WDR72: variants seen among roughly 807,000 people sequenced by gnomAD.
WDR72 encodes the protein WD repeat-containing protein 72.
Under a neutral mutation model 124.2 loss-of-function variants are expected in WDR72, and 120 were observed. That is an observed-to-expected ratio of 0.97 (90% CI 0.83 to 1.12). The LOEUF is 1.12. Ranked by LOEUF, WDR72 falls within the 50% of genes most tolerant of loss-of-function variation. The pLI is 0.00. For synonymous variants in WDR72, 452 were observed against 441.7 expected (o/e 1.02, Z -0.29); for missense variants, 1,387 against 1,278.8 (o/e 1.08, Z -1.29).
intron 11 of WDR72, among the ~76,000 whole-genome samples, chr15:53,702,928 C>G (rs186813683): frequency 8.6e-4 from 127 of 147,178 alleles, no homozygotes; most frequent in Non-Finnish European, 1.6e-3. Context: ...GAGACAGGGT[C>G]TCACTCTGTT....
intron 18 of WDR72, among the ~76,000 whole-genome samples, chr15:53,577,787 T>A (rs981983896): frequency 3.9e-5 from 6 of 152,172 alleles, no homozygotes; most frequent in African/African-American, 1.2e-4. Context: ...TATTTGTTTA[T>A]TAAAGTTAAC....
intron 2 of WDR72, among the ~76,000 whole-genome samples, chr15:53,725,686 T>C (rs1350108848): frequency 6.6e-6 from 1 of 152,156 alleles, no homozygotes; most frequent in Admixed American, 6.5e-5. Context: ...TATTACCATA[T>C]GAAAGAAGCC....
chr15:53,517,871 G>T, intron 19 of WDR72, 117 bp from the exon 20 acceptor site: 1 of 948,220 alleles, frequency 1.1e-6, no homozygotes. Flanking sequence ...AAAGGAAGAA[G>T]GGAGAGAATG....
At chr15:53,627,005 A>G (rs1281689569) in intron 14 of WDR72, among the ~76,000 whole-genome samples, 3 of 152,216 alleles carry the variant, frequency 2.0e-5, no homozygotes, top group Admixed American at 1.3e-4. Flanking sequence ...AAAACATTTT[A>G]GATATTTCCT....
chr15:53,590,797 G>GA (rs1454959808), intron 18 of WDR72, among the ~76,000 whole-genome samples: 1 of 152,050 alleles, frequency 6.6e-6, no homozygotes, highest in Non-Finnish European at 1.5e-5. Flanking sequence ...TAGCATTGCT[G>GA]TGTGGATTAA....
intron 2 of WDR72, among the ~76,000 whole-genome samples, chr15:53,727,226 TAAAAAAAA>T (rs57976197): frequency 2.4e-5 from 3 of 125,760 alleles, no homozygotes; most frequent in African/African-American, 6.3e-5. Context: ...AGACTCTGTC[TAAAAAAAA>T]AAAAAAAAAG....
chr15:53,640,035 A>C (rs1296441223), intron 14 of WDR72, among the ~76,000 whole-genome samples: 1 of 152,234 alleles, frequency 6.6e-6, no homozygotes, highest in Non-Finnish European at 1.5e-5. Context: ...TAATGGTTGA[A>C]GATGTTATTC....
intron 18 of WDR72, among the ~76,000 whole-genome samples, chr15:53,568,973 A>G (rs1439016197): frequency 6.6e-6 from 1 of 152,102 alleles, no homozygotes; most frequent in Non-Finnish European, 1.5e-5. Flanking sequence ...AGCTTGTAAA[A>G]TAATGTTTAA....
intron 2 of WDR72, among the ~76,000 whole-genome samples, chr15:53,726,584 A>G (rs1414119017): frequency 6.6e-6 from 1 of 152,138 alleles, no homozygotes; most frequent in East Asian, 1.9e-4. Flanking sequence ...GTTCATGTTT[A>G]TAATCCCAGC....
At chr15:53,719,463 T>C (rs146616992) in intron 3 of WDR72, among the ~76,000 whole-genome samples, 1 of 152,324 alleles carries the variant, frequency 6.6e-6, no homozygotes, top group East Asian at 1.9e-4. Flanking sequence ...ACTTCAGCTC[T>C]ATATTTCTAT....
At chr15:53,762,171 T>C (rs2019073496), upstream of WDR72, among the ~76,000 whole-genome samples, 1 of 152,160 alleles carries the variant, frequency 6.6e-6, no homozygotes, top group Non-Finnish European at 1.5e-5. Context: ...ATATTAAGGA[T>C]ATTTGGCCAG....
intron 5 of WDR72, among the ~76,000 whole-genome samples, chr15:53,714,969 T>G (rs2017662628): frequency 6.6e-6 from 1 of 152,174 alleles, no homozygotes; most frequent in South Asian, 2.1e-4. Flanking sequence ...AATTCTCCTC[T>G]TTCCCCCTCA....
chr15:53,617,094 T>A (rs148569829), intron 14 of WDR72, among the ~76,000 whole-genome samples: 11 of 151,998 alleles, frequency 7.2e-5, no homozygotes, highest in Admixed American at 7.2e-4. Context: ...ATTTATACAA[T>A]GGAACACCAT....
chr15:53,585,542 A>T (rs559768794), intron 18 of WDR72, among the ~76,000 whole-genome samples: 1 of 152,040 alleles, frequency 6.6e-6, no homozygotes. Flanking sequence ...TGATGCCCCC[A>T]TGCATATAAT....
Position 53,514,956 on chromosome 15 carries a change from CA to C in WDR72, c.*2742del, listed in dbSNP as rs1445250075. ...GCCAATGTGAAACTCAACAGCAAGT[CA>C]AAGAATCAAGGCTTGCAAATGAAAA... On this transcript the variant is annotated 3_prime_UTR_variant, in exon 20 of 20. Transcript: ENST00000360509. The C allele has an allele frequency of 9.1e-6, 1 of 109,342 alleles. No individual in the cohort carries two copies. The highest frequency in any genetic ancestry group is 2.0e-5 in the Non-Finnish European group (1 of 49,112). 6.8% of individuals were successfully genotyped at this position (109,342 alleles called of 1,614,324 possible).
intron 14 of WDR72, among the ~76,000 whole-genome samples, chr15:53,658,278 C>T (rs1367895206): frequency 1.3e-5 from 2 of 152,084 alleles, no homozygotes; most frequent in East Asian, 3.8e-4. Context: ...AACTTCACTT[C>T]CTCTCTGTAT....
intron 13 of WDR72, chr15:53,684,758 G>A (rs2016548387): frequency 6.5e-6 from 1 of 152,856 alleles, no homozygotes; most frequent in Non-Finnish European, 1.4e-5. Flanking sequence ...CTGGGGGCAG[G>A]GCACAGACAA....
chr15:53,598,703 G>A (rs1226341944), intron 17 of WDR72, among the ~76,000 whole-genome samples: 1 of 152,076 alleles, frequency 6.6e-6, no homozygotes. Context: ...AATGTTTAAG[G>A]AGTGAAAAAA....
At chr15:53,686,568 T>G (rs1394506639) in intron 13 of WDR72, among the ~76,000 whole-genome samples, 1 of 151,686 alleles carries the variant, frequency 6.6e-6, no homozygotes, top group Non-Finnish European at 1.5e-5. Flanking sequence ...AAGCAAGTCC[T>G]GAGTGACCTA....
Sources: gnomAD v4.1 joint callset for allele counts (sites outside exome capture counted in the v4.1 genomes callset) on GRCh38, gnomAD v4.1.1 for gene constraint, MANE v1.5 for transcripts, NCBI Gene and HGNC (gene_info 2026-07-23, HGNC 2026-07-21) for gene names.